Variants in ABI3 observed in about 807,000 individuals in gnomAD.
The protein encoded by ABI3 is ABI family member 3.
In ABI3, 24 loss-of-function variants were observed where a neutral mutation model predicts 37.0. The ratio of observed to expected loss-of-function variants is 0.65; its 90% confidence interval spans 0.47 to 0.91. The LOEUF is 0.91. Among genes scored for constraint, ABI3 ranks in the 40% least tolerant of loss-of-function variants. The pLI, the probability that ABI3 is intolerant of heterozygous loss-of-function variation, is 0.00. For missense variants in ABI3, 481 were observed against 485.1 expected (o/e 0.99, Z 0.08); for synonymous variants, 220 against 211.8 (o/e 1.04, Z -0.34).
Position 49,222,870 on chromosome 17 carries a change from C to T in ABI3, c.*155C>T. On this transcript the variant is annotated 3_prime_UTR_variant, in exon 8 of 8. Transcript: ENST00000225941. The stretch of plus-strand genomic sequence containing the variant: ...TCCTCCCATCGGAGGGAGAAGGGGT[C>T]CTGGGGAGAGAGAATTTATCCAGAG... The T allele has an allele frequency of 2.3e-6, 2 of 864,926 alleles. No individual in the cohort carries two copies. The highest frequency in any genetic ancestry group is 3.4e-6 in the Non-Finnish European group (2 of 582,854). The allele number at this position is 864,926 out of a possible 1,614,324, so 53.6% of individuals were successfully genotyped here.
intron 6 of ABI3, among the ~76,000 whole-genome samples, chr17:49,220,886 AATAAT>A (rs1176322641): frequency 1.5e-5 from 2 of 136,046 alleles, no homozygotes; most frequent in African/African-American, 5.4e-5. Flanking sequence ...TAATAATAAT[AATAAT>A]AAACTTAATC....
rs375453236 is a variant in ABI3, at chr17:49,217,918, A to G, written c.462+3A>G. ...ACGACATTGGCCATGGGATCAAGGT[A>G]GAGAGAGGGGCCCTCCTCTTTCCCT... On this transcript the variant is annotated splice_donor_region_variant and intron_variant, in intron 3 of 7. Coordinates refer to ENST00000225941, the MANE Select transcript of ABI3 (RefSeq NM_016428.3). The G allele has an allele frequency of 5.9e-6, 9 of 1,527,720 alleles. No individual in the cohort carries two copies. The African/African-American group carries it at 1.0e-4, about 17-fold the overall frequency. 94.6% of individuals were successfully genotyped at this position (1,527,720 alleles called of 1,614,324 possible).
Position 49,219,720 on chromosome 17 carries a change from C to T in ABI3, c.548+95C>T, listed in dbSNP as rs1409279541. ...CCTCGCCACCCACCCCTGGCGCCCC[C>T]GGGTGCTCAGGCCGTCATGCTGGAT... On this transcript the variant is annotated intron_variant, in intron 4 of 7. Coordinates refer to ENST00000225941, the MANE Select transcript of ABI3 (RefSeq NM_016428.3). The surrounding 1 kb of genome is among the most constrained non-coding windows in gnomAD (Gnocchi z 4.3). 5 of 1,426,416 alleles carry T rather than the reference C, an allele frequency of 3.5e-6. No homozygotes were observed. The East Asian group carries it at 9.9e-5, about 28-fold the overall frequency. The allele number at this position is 1,426,416 out of a possible 1,614,324, so 88.4% of individuals were successfully genotyped here.
chr17:49,217,626 T>G (rs1422654068), intron 2 of ABI3, 113 bp from the exon 3 acceptor site: 4 of 997,672 alleles, frequency 4.0e-6, no homozygotes, highest in Non-Finnish European at 5.7e-6. Context: ...GCCCTCTTTT[T>G]CTAGACCTGG....
At chr17:49,220,891 T>TA (rs1555617866) in intron 6 of ABI3, among the ~76,000 whole-genome samples, 14 of 139,868 alleles carry the variant, frequency 1.0e-4, no homozygotes, top group African/African-American at 3.4e-4. Context: ...ATAATAATAA[T>TA]AAACTTAATC....
chr17:49,221,938 C>T (rs1006504672), intron 6 of ABI3, 153 bp from the exon 7 acceptor site: 32 of 1,040,164 alleles, frequency 3.1e-5, no homozygotes, highest in Non-Finnish European at 3.4e-5. Context: ...AGGCTGGTCT[C>T]GAACTCCTGG....
At chr17:49,222,070 C>G (rs377017846) in intron 6 of ABI3, 21 bp from the exon 7 acceptor site, 4 of 1,577,664 alleles carry the variant, frequency 2.5e-6, no homozygotes, top group Non-Finnish European at 3.4e-6. Flanking sequence ...ACACTTACAG[C>G]CTTTCTGCTT....
At chr17:49,221,426 G>C (rs908947641) in intron 6 of ABI3, among the ~76,000 whole-genome samples, 1 of 151,620 alleles carries the variant, frequency 6.6e-6, no homozygotes, top group Admixed American at 6.6e-5. Flanking sequence ...AGCCGAGATC[G>C]TGCCACTGCA....
rs1598244356 is a variant in ABI3, at chr17:49,219,699, G to T, written c.548+74G>T. 5 of 1,466,674 alleles carry T rather than the reference G, an allele frequency of 3.4e-6. No homozygotes were observed. The highest frequency in any genetic ancestry group is 2.5e-5 in the East Asian group (1 of 40,576). The allele number at this position is 1,466,674 out of a possible 1,614,324, so 90.9% of individuals were successfully genotyped here. A position where few individuals can be genotyped will look rare whatever the true frequency, so the allele number is the denominator to read the frequency against. On this transcript the variant is annotated intron_variant, in intron 4 of 7. Coordinates refer to ENST00000225941, the MANE Select transcript of ABI3 (RefSeq NM_016428.3). The surrounding 1 kb of genome is among the most constrained non-coding windows in gnomAD (Gnocchi z 4.3). ...CCTGAAACTCTCCTCCCCCAGCCTC[G>T]CCACCCACCCCTGGCGCCCCCGGGT...
chr17:49,216,036 G>A (rs1017664817), intron 1 of ABI3, among the ~76,000 whole-genome samples: 4 of 151,318 alleles, frequency 2.6e-5, no homozygotes, highest in East Asian at 2.0e-4. Flanking sequence ...GCTTGAACTC[G>A]GAAGGCGGAG....
intron 6 of ABI3, among the ~76,000 whole-genome samples, chr17:49,221,658 C>T (rs753961932): frequency 2.0e-5 from 3 of 152,266 alleles, no homozygotes; most frequent in Non-Finnish European, 2.9e-5. Flanking sequence ...TATGTGCTAG[C>T]AGCACTGTGG....
At chr17:49,221,811 C>T (rs2043292311) in intron 6 of ABI3, among the ~76,000 whole-genome samples, 2 of 152,264 alleles carry the variant, frequency 1.3e-5, no homozygotes, top group East Asian at 1.9e-4. Flanking sequence ...CCTCCACCTC[C>T]TGGGTTAAGC....
intron 6 of ABI3, 96 bp downstream of exon 6, chr17:49,220,422 C>G: frequency 6.9e-7 from 1 of 1,444,114 alleles, no homozygotes; most frequent in Non-Finnish European, 9.3e-7. Context: ...CCCGGCCAGC[C>G]TCAGTGAATG....
intron 1 of ABI3, among the ~76,000 whole-genome samples, chr17:49,211,325 G>T (rs145817097): frequency 1.3e-5 from 2 of 152,322 alleles, no homozygotes; most frequent in African/African-American, 4.8e-5. Context: ...AGGCAGAGTA[G>T]GCTGGGCTAA....
In ABI3 at chr17:49,220,360, G is replaced by A. The variant is rs778483609; in HGVS notation, c.802+34G>A. 5.9e-6 allele frequency: 9 copies of A among 1,537,450 alleles called. No individual in the cohort carries two copies. In the African/African-American group the frequency reaches 8.2e-5, roughly 14 times the overall value. On this transcript the variant is annotated intron_variant, in intron 6 of 7. Coordinates refer to ENST00000225941, the MANE Select transcript of ABI3 (RefSeq NM_016428.3). ...GTCCACCCTCTTCTTCCCAACCGTG[G>A]GGTCGCTTTTCTGCCTCCTGCCACT...
intron 6 of ABI3, among the ~76,000 whole-genome samples, chr17:49,221,477 A>T (rs1445260436): frequency 6.6e-6 from 1 of 152,086 alleles, no homozygotes; most frequent in Non-Finnish European, 1.5e-5. Flanking sequence ...TCTCAAAAAA[A>T]AATAAAACAA....
chr17:49,215,232 G>A (rs1485280901), intron 1 of ABI3, among the ~76,000 whole-genome samples: 7 of 152,280 alleles, frequency 4.6e-5, no homozygotes, highest in Admixed American at 2.0e-4. Flanking sequence ...AAGCCCAATG[G>A]CCAATGTGGC....
At chr17:49,214,469 G>C (rs1168818393) in intron 1 of ABI3, among the ~76,000 whole-genome samples, 1 of 152,186 alleles carries the variant, frequency 6.6e-6, no homozygotes, top group Non-Finnish European at 1.5e-5. Context: ...AGCACTTTGG[G>C]AGGCCAAGGC....
At chr17:49,222,530 A>T in intron 7 of ABI3, 22 bp from the exon 8 acceptor site, 1 of 1,611,310 alleles carries the variant, frequency 6.2e-7, no homozygotes, top group Non-Finnish European at 8.5e-7. Flanking sequence ...ATCTCACGGC[A>T]CCCTCTTCTC....
Sources: gnomAD v4.1 joint callset for allele counts (sites outside exome capture counted in the v4.1 genomes callset) on GRCh38, gnomAD v4.1.1 for gene constraint, Gnocchi (gnomAD v3.1) non-coding constraint, MANE v1.5 for transcripts, NCBI Gene and HGNC (gene_info 2026-07-23, HGNC 2026-07-21) for gene names.